TMEM182: variants seen among roughly 807,000 people sequenced by gnomAD.
TMEM182 encodes the protein transmembrane protein 182.
TMEM182 carries 20 observed loss-of-function variants against 26.8 expected under a neutral mutation model. The ratio of observed to expected loss-of-function variants is 0.75; its 90% CI spans 0.53 to 1.09. TMEM182 has a LOEUF of 1.09. TMEM182 is among the 50% of genes least tolerant of loss of function. The pLI, the probability that TMEM182 is intolerant of heterozygous loss-of-function variation, is 0.00. For missense variants in TMEM182, 277 were observed against 275.5 expected (o/e 1.01, Z -0.04); for synonymous variants, 109 against 102.2 (o/e 1.07, Z -0.40).
chr2:102,777,083 C>A (rs993547292), intron 3 of TMEM182, among the ~76,000 whole-genome samples: 1 of 151,760 alleles, frequency 6.6e-6, no homozygotes, highest in Non-Finnish European at 1.5e-5. Flanking sequence ...AAAAAATTAT[C>A]CCAGTTTGTG....
At chr2:102,771,478 C>T (rs112159402) in intron 3 of TMEM182, among the ~76,000 whole-genome samples, 1 of 151,906 alleles carries the variant, frequency 6.6e-6, no homozygotes, top group Admixed American at 6.6e-5. Flanking sequence ...ACATCAAGGC[C>T]GTACTTAAAA....
chr2:102,764,375 G>A lies in TMEM182; in HGVS notation c.279G>A (p.Pro93=), dbSNP rs79354230. Reference sequence around the variant, plus strand: ...ACTGCACACATGCTTACCTGTCTCCGTACCCCTTCATGAGAGGCGAGCACA... The same window carrying A: ...ACTGCACACATGCTTACCTGTCTCCATACCCCTTCATGAGAGGCGAGCACA... ...SKNCTHAYLS[P]YPFMRGEHNS... is the part of the protein sequence containing the mutation. The change falls in exon 3 of 5, where the codon CCG becomes CCA. Residue 93 remains proline (P), a synonymous_variant. Coordinates refer to ENST00000412401, the MANE Select transcript of TMEM182 (RefSeq NM_144632.5). The A allele has an allele frequency of 6.9e-3, 11,198 of 1,613,684 alleles. 126 individuals carry two copies. The highest frequency in any genetic ancestry group is 6.2e-3 in the Non-Finnish European group (7,282 of 1,179,846).
intron 1 of TMEM182, among the ~76,000 whole-genome samples, chr2:102,741,818 C>G (rs1354480309): frequency 6.6e-6 from 1 of 152,126 alleles, no homozygotes; most frequent in Non-Finnish European, 1.5e-5. Context: ...GGGGAGAAAA[C>G]ACACAACAAG....
At chr2:102,758,618 C>T, upstream of TMEM182, 1 of 609,780 alleles carries the variant, frequency 1.6e-6, no homozygotes, top group Non-Finnish European at 3.0e-6. Flanking sequence ...GCCAGATCAG[C>T]ACTGTTTCTT....
chr2:102,818,780 A>ATCTATCTG (rs1262730772), downstream of TMEM182, among the ~76,000 whole-genome samples: 4 of 151,818 alleles, frequency 2.6e-5, no homozygotes, highest in Non-Finnish European at 5.9e-5. Flanking sequence ...CTATCTATCT[A>ATCTATCTG]TCTCTAAATT....
chr2:102,737,321 A>G (rs1221010821), intron 1 of TMEM182, among the ~76,000 whole-genome samples: 1 of 152,220 alleles, frequency 6.6e-6, no homozygotes, highest in Non-Finnish European at 1.5e-5. Context: ...GCTTCTTAAG[A>G]TCCTTTCTGG....
chr2:102,797,936 C>T lies in TMEM182; in HGVS notation c.405C>T (p.Ile135=), dbSNP rs757759678. 5 of 1,614,126 alleles carry T rather than the reference C, an allele frequency of 3.1e-6. No individual in the cohort carries two copies. Among genetic ancestry groups the T allele is most frequent in the Non-Finnish European group, 3.4e-6 (4 of 1,180,036 alleles). The change falls in exon 4 of 5, where the codon ATC becomes ATT. Residue 135 remains isoleucine (I), a synonymous_variant. Transcript: ENST00000412401. ...TAGTCATCGCAAGCTTTTTGATCAT[C>T]TGTGCAGCCCCCTTCGCCAGCCATT... ...VAVVIASFLI[I]CAAPFASHFL...
chr2:102,794,900 G>A (rs1156368297), intron 3 of TMEM182, among the ~76,000 whole-genome samples: 4 of 151,924 alleles, frequency 2.6e-5, no homozygotes. Flanking sequence ...CAATATCTAC[G>A]GCCTCTGCTT....
chr2:102,797,948 C>G lies in TMEM182; in HGVS notation c.417C>G (p.Pro139=). ...IASFLIICAA[P]FASHFLYKAG... is the part of the protein sequence containing the mutation. The stretch of plus-strand genomic sequence containing the variant: ...GCTTTTTGATCATCTGTGCAGCCCC[C>G]TTCGCCAGCCATTTTCTCTACAAAG... Residue 139 remains proline, a synonymous_variant, in exon 4 of 5, where the codon CCC becomes CCG. Coordinates refer to ENST00000412401, the MANE Select transcript of TMEM182 (RefSeq NM_144632.5). 6.2e-7 allele frequency: 1 copy of G among 1,614,052 alleles called. No homozygotes were observed. Among genetic ancestry groups the G allele is most frequent in the Non-Finnish European group, 8.5e-7 (1 of 1,180,006 alleles).
chr2:102,757,585 T>C (rs1680082316), upstream of TMEM182: 1 of 152,218 alleles, frequency 6.6e-6, no homozygotes, highest in South Asian at 2.1e-4. Flanking sequence ...TAGAGTCTTA[T>C]GCATATTAGC....
At chr2:102,744,170 C>T (rs1053924465) in intron 1 of TMEM182, among the ~76,000 whole-genome samples, 4 of 152,240 alleles carry the variant, frequency 2.6e-5, no homozygotes, top group South Asian at 2.1e-4. Context: ...CCATAAAATA[C>T]GTTTTAACAA....
chr2:102,821,771 G>A (rs760293878), downstream of TMEM182, among the ~76,000 whole-genome samples: 3 of 151,986 alleles, frequency 2.0e-5, no homozygotes, highest in East Asian at 1.9e-4. Context: ...GGCAGATCAC[G>A]TGGTCAGGAG....
chr2:102,836,107 G>A (rs1225648142), intron 3 of TMEM182, among the ~76,000 whole-genome samples: 1 of 152,112 alleles, frequency 6.6e-6, no homozygotes, highest in East Asian at 1.9e-4. Context: ...ATATTCCATT[G>A]TTTGGAGGTA....
chr2:102,828,858 T>C (rs1386551258), intron 3 of TMEM182, among the ~76,000 whole-genome samples: 1 of 151,868 alleles, frequency 6.6e-6, no homozygotes, highest in African/African-American at 2.4e-5. Context: ...AATGAAGGAG[T>C]AGCATCTAAA....
At chr2:102,791,604 C>G (rs976970799) in intron 3 of TMEM182, among the ~76,000 whole-genome samples, 11 of 152,226 alleles carry the variant, frequency 7.2e-5, no homozygotes, top group Non-Finnish European at 1.0e-4. Context: ...AGAACTTACT[C>G]TCTTTAAAAC....
At chr2:102,756,905 C>T (rs147381197) in intron 1 of TMEM182, among the ~76,000 whole-genome samples, 2,322 of 152,124 alleles carry the variant, frequency 0.015, 64 homozygotes, top group African/African-American at 0.054. Flanking sequence ...CCTCCACCTC[C>T]GGGGTTGAAG....
chr2:102,762,713 C>T (rs1013003115), intron 2 of TMEM182, 27 bp downstream of exon 2: 3 of 1,573,196 alleles, frequency 1.9e-6, no homozygotes, highest in Non-Finnish European at 1.7e-6. Context: ...TTTATTTTCC[C>T]TCTTGTCTGT....
chr2:102,835,548 C>A (rs968365145), intron 3 of TMEM182, among the ~76,000 whole-genome samples: 53 of 152,232 alleles, frequency 3.5e-4, no homozygotes, highest in African/African-American at 1.2e-3. Context: ...AATGTATCCA[C>A]CATTATAGTA....
At chr2:102,801,335 G>A (rs1024366432) in intron 4 of TMEM182, among the ~76,000 whole-genome samples, 4 of 152,070 alleles carry the variant, frequency 2.6e-5, no homozygotes, top group African/African-American at 9.7e-5. Flanking sequence ...CCTGAGACTG[G>A]GCCCAGAACA....
Sources: gnomAD v4.1 joint callset for allele counts (sites outside exome capture counted in the v4.1 genomes callset) on GRCh38, gnomAD v4.1.1 for gene constraint, MANE v1.5 for transcripts, NCBI Gene and HGNC (gene_info 2026-07-23, HGNC 2026-07-21) for gene names.